Variants in SYNE1 observed in about 807,000 individuals in gnomAD.
SYNE1 encodes nesprin-1.
A neutral mutation model predicts 1,111.0 loss-of-function variants in SYNE1; 616 were observed. That is an observed-to-expected ratio of 0.55 (90% CI 0.52 to 0.59). The LOEUF is 0.59. SYNE1 is among the 20% of genes least tolerant of loss of function. The pLI, the probability that SYNE1 is intolerant of heterozygous loss-of-function variation, is 0.00. For missense variants in SYNE1, 10,006 were observed against 10,417.0 expected, an observed-to-expected ratio of 0.96 and a Z score of 1.72; for synonymous variants, 3,855 against 3,825.8, an observed-to-expected ratio of 1.01 and a Z score of -0.28.
chr6:152,346,141 C>A (rs1181194367), intron 73 of SYNE1, among the ~76,000 whole-genome samples: 2 of 152,046 alleles, frequency 1.3e-5, no homozygotes, highest in Non-Finnish European at 2.9e-5. Flanking sequence ...TCCTCAAATT[C>A]CTTTTACCAA....
In SYNE1 at chr6:152,310,717, G is replaced by A. The variant is rs570556738; in HGVS notation, c.16867C>T (p.Arg5623Cys). The change falls in exon 88 of 146, where the codon CGT (arginine) becomes TGT (cysteine). Residue 5623 changes from arginine to cysteine, a missense_variant. Transcript: ENST00000367255. ...GCTGCATCTTGGAGGTTCTGCAAAC[G>A]AATTTTGATCATCTGTCGCAACTCC... The part of the protein sequence containing the change: ...TEELRQMIKI[R>C]LQNLQDAAKD... 2.9e-4 allele frequency: 460 copies of A among 1,612,998 alleles called. 7 individuals are homozygous for A. The South Asian group carries it at 4.0e-3, about 14-fold the overall frequency.
intron 3 of SYNE1, among the ~76,000 whole-genome samples, chr6:152,599,314 C>G (rs1016291626): frequency 6.6e-6 from 1 of 152,184 alleles, no homozygotes. Flanking sequence ...TTGTGCAGTA[C>G]TATTTGGATC....
At position 152,430,552 on chromosome 6, in the gene SYNE1, G is replaced by T. The variant is rs1187109031; in HGVS notation, c.4619C>A (p.Ala1540Glu). The change falls in exon 35 of 146, where the codon GCA becomes GAA. Residue 1540 changes from alanine (A) to glutamate (E), a missense_variant. Physicochemically the swap from Ala to Glu is moderately radical, Grantham distance 107 (BLOSUM62 -1). Transcript: ENST00000367255. ...RRYGEELREH[A>E]QCLEGTILGH... ...CAGGATTGTTCCTTCCAGACACTGT[G>T]CATGCTCTCGAAGCTCTTCCCCGTA... 6.2e-7 allele frequency: 1 copy of T among 1,614,100 alleles called. No individual in the cohort carries two copies. Among genetic ancestry groups the T allele is most frequent in the Admixed American group, 1.7e-5 (1 of 60,008 alleles).
chr6:152,539,975 G>A lies in SYNE1; in HGVS notation c.114C>T (p.Asn38=), dbSNP rs150562892. 37 of 1,613,732 alleles carry A rather than the reference G, an allele frequency of 2.3e-5. No homozygotes were observed. The highest frequency in any genetic ancestry group is 2.6e-5 in the Non-Finnish European group (31 of 1,179,874). ...VQKRTFTKWI[N]SHLAKRKPPM... ...TTTCCTTTACCTTGGCCAGATGAGA[G>A]TTGATCCATTTTGTGAAAGTTCGTT... The change falls in exon 4 of 146, where the codon AAC becomes AAT. Residue 38 remains asparagine (N), a synonymous_variant. Transcript: ENST00000367255.
intron 78 of SYNE1, among the ~76,000 whole-genome samples, chr6:152,328,380 T>TTTATTTA (rs1554460765): frequency 4.4e-5 from 6 of 137,512 alleles, no homozygotes; most frequent in African/African-American, 1.7e-4. Flanking sequence ...TCTTATTTTA[T>TTTATTTA]TTTATTTATT....
intron 3 of SYNE1, among the ~76,000 whole-genome samples, chr6:152,595,616 A>G (rs2099578835): frequency 6.6e-6 from 1 of 152,184 alleles, no homozygotes; most frequent in Non-Finnish European, 1.5e-5. Flanking sequence ...GCTATTCCAA[A>G]CTGCCTTGCC....
intron 31 of SYNE1, among the ~76,000 whole-genome samples, chr6:152,441,780 T>C (rs2098532770): frequency 6.6e-6 from 1 of 152,236 alleles, no homozygotes; most frequent in Admixed American, 6.5e-5. Context: ...ATCAAATTTC[T>C]GGATTCAGAA....
chr6:152,411,801 T>A (rs1026549043), intron 42 of SYNE1, among the ~76,000 whole-genome samples: 16 of 150,922 alleles, frequency 1.1e-4, no homozygotes, highest in African/African-American at 3.9e-4. Context: ...AACAAAAATG[T>A]CACAATACCA....
chr6:152,501,275 T>C (rs558638946), intron 10 of SYNE1, among the ~76,000 whole-genome samples: 2 of 151,846 alleles, frequency 1.3e-5, no homozygotes, highest in South Asian at 4.1e-4. Context: ...ATGTCCGTTG[T>C]TTAAAAAAAC....
intron 3 of SYNE1, among the ~76,000 whole-genome samples, chr6:152,554,229 G>C (rs2099357617): frequency 6.6e-6 from 1 of 152,000 alleles, no homozygotes; most frequent in Non-Finnish European, 1.5e-5. Context: ...AATGAGAATA[G>C]CAGCACGGTC....
chr6:152,537,431 A>G (rs1156641233), intron 4 of SYNE1, among the ~76,000 whole-genome samples: 2 of 152,040 alleles, frequency 1.3e-5, no homozygotes, highest in Non-Finnish European at 2.9e-5. Context: ...GTTTTAAGAA[A>G]AGCATATTTT....
chr6:152,304,125 T>C (rs1159398199), intron 91 of SYNE1, among the ~76,000 whole-genome samples: 1 of 152,278 alleles, frequency 6.6e-6, no homozygotes, highest in African/African-American at 2.4e-5. Context: ...TTAAACCTAA[T>C]AGGATTTTTA....
At chr6:152,624,098 C>T (rs1044432329) in intron 3 of SYNE1, among the ~76,000 whole-genome samples, 2 of 152,020 alleles carry the variant, frequency 1.3e-5, no homozygotes, top group Non-Finnish European at 2.9e-5. Flanking sequence ...AATGCTTATC[C>T]TTTTTTGTTT....
intron 14 of SYNE1, 87 bp downstream of exon 14, chr6:152,482,997 TC>T: frequency 6.9e-7 from 1 of 1,441,600 alleles, no homozygotes; most frequent in Non-Finnish European, 9.8e-7. Flanking sequence ...ATTTGGGGCG[TC>T]CCCGCCAGAG....
chr6:152,391,159 T>C, intron 52 of SYNE1, 118 bp downstream of exon 52: 1 of 1,481,750 alleles, frequency 6.7e-7, no homozygotes, highest in East Asian at 2.3e-5. Flanking sequence ...TTCTCCATTT[T>C]GCCCACACAA....
At chr6:152,158,988 T>A (rs907582732) in intron 131 of SYNE1, among the ~76,000 whole-genome samples, 1 of 152,258 alleles carries the variant, frequency 6.6e-6, no homozygotes, top group East Asian at 1.9e-4. Flanking sequence ...AGTCTCGCTC[T>A]GTCTGCAGAC....
intron 10 of SYNE1, among the ~76,000 whole-genome samples, chr6:152,500,910 C>T (rs1049905440): frequency 4.0e-5 from 6 of 148,732 alleles, no homozygotes; most frequent in African/African-American, 1.5e-4. Flanking sequence ...GAGATCGCAC[C>T]ACTGCACTCC....
rs1053688190 is a variant in SYNE1 at position 152,208,392 on chromosome 6, A to G, written c.22590-186T>C. Among the ~76,000 whole-genome samples the G allele has an allele frequency of 8.5e-5, 13 of 152,170 alleles. 1 individual carries two copies. Among genetic ancestry groups the G allele is most frequent in the Admixed American group, 6.5e-5 (1 of 15,280 alleles). On this transcript the variant is annotated intron_variant, in intron 124 of 145. Transcript: ENST00000367255. Reference sequence around the variant, plus strand: ...TATTGCAATTAATTTTTAAAATTAAACCACCAGTGTTTGCAAATGGTGAGT... The same window carrying G: ...TATTGCAATTAATTTTTAAAATTAAGCCACCAGTGTTTGCAAATGGTGAGT...
rs376126783 is a variant in SYNE1 at position 152,211,589 on chromosome 6, C to T, written c.22495-1G>A. Reference sequence around the variant, plus strand: ...GACTGAACATCTCGGCTTGAAACAACTATAATTTAAAAAAAAGAAGAACAT... The same window carrying T: ...GACTGAACATCTCGGCTTGAAACAATTATAATTTAAAAAAAAGAAGAACAT... On this transcript the variant is annotated splice_acceptor_variant, in intron 123 of 145. Transcript: ENST00000367255. LOFTEE classifies it high-confidence loss of function. 6.2e-7 allele frequency: 1 copy of T among 1,612,630 alleles called. No homozygotes were observed. Among genetic ancestry groups the T allele is most frequent in the Non-Finnish European group, 8.5e-7 (1 of 1,179,138 alleles).
Sources: allele counts gnomAD v4.1 joint callset (sites outside exome capture counted in the v4.1 genomes callset), GRCh38; gene constraint gnomAD v4.1.1; transcripts MANE v1.5; gene names NCBI Gene and HGNC (gene_info 2026-07-23, HGNC 2026-07-21).